KNDC1: variants seen among roughly 807,000 people sequenced by gnomAD.
The protein encoded by KNDC1 is kinase non-catalytic C-lobe domain containing 1.
In KNDC1, 106 loss-of-function variants were observed where a neutral mutation model predicts 172.8. The ratio of observed to expected loss-of-function variants is 0.61; its 90% CI spans 0.52 to 0.72. The LOEUF is 0.72. KNDC1 is among the 30% of genes least tolerant of loss of function. The pLI is 0.00. For missense variants in KNDC1, 2,325 were observed against 2,394.5 expected, an observed-to-expected ratio of 0.97 and a Z score of 0.61; for synonymous variants, 1,083 against 1,062.2, an observed-to-expected ratio of 1.02 and a Z score of -0.38.
chr10:133,214,833 C>T (rs1589773893), intron 26 of KNDC1, among the ~76,000 whole-genome samples: 2 of 152,258 alleles, frequency 1.3e-5, no homozygotes, highest in East Asian at 3.8e-4. Context: ...TGCTGTCAGG[C>T]AGGGCACTGT....
intron 17 of KNDC1, among the ~76,000 whole-genome samples, chr10:133,205,685 C>G (rs915039418): frequency 1.3e-5 from 2 of 152,106 alleles, no homozygotes; most frequent in Admixed American, 1.3e-4. Flanking sequence ...AAAAGAAAGG[C>G]AAGGCTGGTG....
intron 17 of KNDC1, among the ~76,000 whole-genome samples, chr10:133,205,349 C>A (rs974473395): frequency 6.6e-6 from 1 of 152,258 alleles, no homozygotes; most frequent in African/African-American, 2.4e-5. Context: ...GCGGCCCTCG[C>A]CCCCAGCTCC....
chr10:133,217,224 G>A (rs951908971), intron 26 of KNDC1, among the ~76,000 whole-genome samples: 4 of 152,368 alleles, frequency 2.6e-5, no homozygotes, highest in Admixed American at 2.0e-4. Flanking sequence ...AAAGTGTGGC[G>A]AAATAGTTTT....
chr10:133,168,145 GC>G, intron 2 of KNDC1, 108 bp from the exon 3 acceptor site: 1 of 926,410 alleles, frequency 1.1e-6, no homozygotes, highest in Non-Finnish European at 1.8e-6. Context: ...CACCAGGTCT[GC>G]GGGGAGGGAA....
chr10:133,171,901 C>T (rs1371357848), intron 3 of KNDC1, among the ~76,000 whole-genome samples: 2 of 152,214 alleles, frequency 1.3e-5, no homozygotes, highest in Non-Finnish European at 2.9e-5. Flanking sequence ...CAGGCATGAG[C>T]CACTGTGTCT....
In KNDC1 at chr10:133,213,957, A is replaced by C; in HGVS notation, c.4527-15A>C. The C allele has an allele frequency of 1.2e-6, 2 of 1,614,028 alleles. No homozygotes were observed. The highest frequency in any genetic ancestry group is 1.7e-4 in the Middle Eastern group (1 of 6,060). ...ACAAGTCCTGGGGGTGACAGGGACC[A>C]TATTTCTCTTCCAGAGCCAGCTCTT... On this transcript the variant is annotated splice_polypyrimidine_tract_variant and intron_variant, in intron 25 of 29. Transcript: ENST00000304613.
chr10:133,195,746 C>T lies in KNDC1; in HGVS notation c.1659C>T (p.Arg553=). 6.2e-7 allele frequency: 1 copy of T among 1,611,422 alleles called. No homozygotes were observed. Among genetic ancestry groups the T allele is most frequent in the Non-Finnish European group, 8.5e-7 (1 of 1,179,206 alleles). The part of the protein sequence containing the change: ...VPRNHKLALP[R]RLKTLLLDMA... The stretch of plus-strand genomic sequence containing the variant: ...GCAACCACAAGCTGGCCCTGCCACG[C>T]AGGCTCAAGACCCTCCTCCTGGACA... Residue 553 remains arginine (R), a synonymous_variant, in exon 10 of 30, where the codon CGC becomes CGT. Transcript: ENST00000304613.
At chr10:133,213,025 G>C (rs530142989) in intron 24 of KNDC1, 103 bp downstream of exon 24, 16 of 1,023,448 alleles carry the variant, frequency 1.6e-5, no homozygotes, top group Non-Finnish European at 2.0e-5. Flanking sequence ...AGGAACAGAC[G>C]GGCAGAGAAG....
intron 16 of KNDC1, among the ~76,000 whole-genome samples, chr10:133,201,202 A>G (rs1359310394): frequency 6.6e-6 from 1 of 152,214 alleles, no homozygotes; most frequent in Non-Finnish European, 1.5e-5. Flanking sequence ...AGAGCCAGCG[A>G]GGACAGGGCC....
At chr10:133,203,820 C>T (rs1169134808) in intron 17 of KNDC1, among the ~76,000 whole-genome samples, 2 of 152,228 alleles carry the variant, frequency 1.3e-5, no homozygotes, top group Admixed American at 6.5e-5. Context: ...CAAGACCGTC[C>T]TCCTCATGGA....
At chr10:133,180,211 C>T (rs1360096641) in intron 3 of KNDC1, among the ~76,000 whole-genome samples, 7 of 152,268 alleles carry the variant, frequency 4.6e-5, no homozygotes, top group African/African-American at 1.7e-4. Flanking sequence ...CCGCGGGCAG[C>T]ACACAGTTGT....
Position 133,160,225 on chromosome 10 carries a change from G to A in KNDC1, c.-243G>A, listed in dbSNP as rs146074000. Among the ~76,000 whole-genome samples the A allele has an allele frequency of 0.025, 3,757 of 149,590 alleles. 80 individuals are homozygous for A. The highest frequency in any genetic ancestry group is 0.044 in the South Asian group (209 of 4,788). On this transcript the variant is annotated 5_prime_UTR_variant, in exon 1 of 30. Coordinates refer to ENST00000304613, the MANE Select transcript of KNDC1 (RefSeq NM_152643.8). The stretch of plus-strand genomic sequence containing the variant: ...CGCCCCCGGTGCCTCCCCCAGGAAG[G>A]AGCGACGTTCCCTAGGCGCCGGGTC...
At position 133,201,893 on chromosome 10, in the gene KNDC1, A is replaced by G; in HGVS notation, c.3382A>G (p.Ser1128Gly). The G allele has an allele frequency of 6.8e-7, 1 of 1,471,172 alleles. No homozygotes were observed. Among genetic ancestry groups the G allele is most frequent in the Non-Finnish European group, 9.0e-7 (1 of 1,112,676 alleles). The allele number at this position is 1,471,172 out of a possible 1,614,324, so 91.1% of individuals were successfully genotyped here. ...GGACGGGGCCCTGCCCGACGCCCAG[A>G]GCCCGGTGAGTCCCAGGCCTTGGCA... ...QADGALPDAQ[S>G]PELEQQLMME... Residue 1128 changes from serine (S) to glycine (G), a missense_variant, in exon 17 of 30, where the codon AGC (serine) becomes GGC (glycine). Transcript: ENST00000304613.
chr10:133,167,963 C>G (rs548113071), intron 2 of KNDC1, among the ~76,000 whole-genome samples: 3 of 152,244 alleles, frequency 2.0e-5, no homozygotes, highest in Non-Finnish European at 4.4e-5. Flanking sequence ...CGTGGGTCAG[C>G]TGCTCCCACT....
chr10:133,219,699 C>A (rs1456406797), intron 28 of KNDC1, among the ~76,000 whole-genome samples: 1 of 152,242 alleles, frequency 6.6e-6, no homozygotes, highest in Non-Finnish European at 1.5e-5. Context: ...AAGGGACTCA[C>A]CATTTCAGCA....
At chr10:133,193,031 C>A (rs1367098183) in intron 9 of KNDC1, among the ~76,000 whole-genome samples, 1 of 151,850 alleles carries the variant, frequency 6.6e-6, no homozygotes, top group Non-Finnish European at 1.5e-5. Flanking sequence ...ACCCTCCCCT[C>A]TCCGAAAAAA....
At chr10:133,173,606 A>C (rs1039903671) in intron 3 of KNDC1, among the ~76,000 whole-genome samples, 1 of 152,216 alleles carries the variant, frequency 6.6e-6, no homozygotes, top group Non-Finnish European at 1.5e-5. Flanking sequence ...AAAAATGCAG[A>C]TATCACAAAC....
Position 133,206,765 on chromosome 10 carries a change from A to G in KNDC1, c.3468A>G (p.Glu1156=). 2 of 1,614,090 alleles carry G rather than the reference A, an allele frequency of 1.2e-6. No individual in the cohort carries two copies. Among genetic ancestry groups the G allele is most frequent in the South Asian group, 1.1e-5 (1 of 91,084 alleles). ...LKFYQKLLQK[E]KRNKGSDVKT... The stretch of plus-strand genomic sequence containing the variant: ...TCTACCAGAAACTCTTACAGAAGGA[A>G]AAGAGGAACAAAGGTAAGGCCCCTG... Residue 1156 remains glutamate (E), a synonymous_variant, in exon 18 of 30, where the codon GAA becomes GAG. Transcript: ENST00000304613.
chr10:133,201,412 GCAA>G (rs1854360378), intron 16 of KNDC1, 86 bp from the exon 17 acceptor site: 42 of 1,388,542 alleles, frequency 3.0e-5, no homozygotes, highest in Non-Finnish European at 7.9e-6. Flanking sequence ...CGTCGGGTGT[GCAA>G]GCACCACCGG....
Sources: allele counts gnomAD v4.1 joint callset (sites outside exome capture counted in the v4.1 genomes callset), GRCh38; gene constraint gnomAD v4.1.1; transcripts MANE v1.5; gene names NCBI Gene and HGNC (gene_info 2026-07-23, HGNC 2026-07-21).